The following SOX6 variants were observed in gnomAD, a reference collection of about 807,000 sequenced individuals.
SOX6 encodes SRY-box transcription factor 6, also known as transcription factor SOX-6.
Under a neutral mutation model 97.8 loss-of-function variants are expected in SOX6, and 11 were observed. The observed-to-expected ratio is 0.11, with a 90% CI of 0.07 to 0.19. The LOEUF is 0.19. Among genes scored for constraint, SOX6 ranks in the 10% least tolerant of loss-of-function variants. The pLI is 1.00. For synonymous variants in SOX6, 360 were observed against 371.4 expected (o/e 0.97, Z 0.35); for missense variants, 810 against 1,039.5 (o/e 0.78, Z 3.04).
intron 1 of SOX6, among the ~76,000 whole-genome samples, chr11:16,365,022 A>G (rs548814970): frequency 3.3e-5 from 5 of 152,302 alleles, no homozygotes; most frequent in South Asian, 2.1e-4. Context: ...AGAGTCAACC[A>G]AAGTCCAAAA....
chr11:16,257,536 T>C (rs1189273570), intron 3 of SOX6, among the ~76,000 whole-genome samples: 1 of 151,918 alleles, frequency 6.6e-6, no homozygotes, highest in East Asian at 1.9e-4. Context: ...ATATATCTTA[T>C]GCTCTTCACA....
At chr11:16,132,291 G>A (rs71483000) in intron 6 of SOX6, among the ~76,000 whole-genome samples, 1 of 93,654 alleles carries the variant, frequency 1.1e-5, no homozygotes, top group Admixed American at 1.3e-4. Flanking sequence ...AGGAAGGAAG[G>A]AAGGAAGGAA....
intron 3 of SOX6, among the ~76,000 whole-genome samples, chr11:16,304,846 G>A (rs909954368): frequency 3.3e-5 from 5 of 151,898 alleles, no homozygotes; most frequent in East Asian, 1.9e-4. Context: ...AGATGATGCC[G>A]CAGCAAATTA....
At chr11:16,323,565 C>G (rs1855986319) in intron 2 of SOX6, among the ~76,000 whole-genome samples, 1 of 152,032 alleles carries the variant, frequency 6.6e-6, no homozygotes, top group African/African-American at 2.4e-5. Context: ...TCTTCCTTAA[C>G]TTTGAACCCA....
intron 4 of SOX6, among the ~76,000 whole-genome samples, chr11:16,193,161 G>A (rs1237570399): frequency 6.6e-6 from 1 of 152,102 alleles, no homozygotes; most frequent in Non-Finnish European, 1.5e-5. Context: ...GAGAAAATGA[G>A]TACGAGAACA....
In SOX6 at chr11:16,105,454, G is replaced by C. The variant is rs558910282; in HGVS notation, c.898+6349C>G. On this transcript the variant is annotated intron_variant, in intron 7 of 15. Transcript: ENST00000683767. ...GTGGTGGCACGTGCCTATAGTCCCA[G>C]CTACTTGGGAGGCTGAGGTAGAAAG... 2.5e-3 allele frequency among the ~76,000 whole-genome samples: 384 copies of C among 152,176 alleles called. 1 individual carries two copies. The highest frequency in any genetic ancestry group is 8.9e-3 in the African/African-American group (369 of 41,536).
chr11:16,095,299 G>A (rs988934043), intron 9 of SOX6, among the ~76,000 whole-genome samples: 9 of 151,718 alleles, frequency 5.9e-5, no homozygotes, highest in Non-Finnish European at 8.8e-5. Context: ...GAGAAGGACT[G>A]GGTTCTTATA....
chr11:16,486,857 T>C (rs1860444212), intron 4 of SOX6, among the ~76,000 whole-genome samples: 2 of 151,804 alleles, frequency 1.3e-5, no homozygotes, highest in Non-Finnish European at 2.9e-5. Context: ...CAAAATTAAA[T>C]GTGCACATGT....
At chr11:16,650,956 T>C (rs1331090195) in intron 3 of SOX6, among the ~76,000 whole-genome samples, 2 of 151,646 alleles carry the variant, frequency 1.3e-5, no homozygotes, top group African/African-American at 4.8e-5. Context: ...ACAACCAATA[T>C]CAAAGAAATG....
intron 3 of SOX6, among the ~76,000 whole-genome samples, chr11:16,248,825 C>T (rs1326406715): frequency 1.3e-5 from 2 of 152,072 alleles, no homozygotes; most frequent in Non-Finnish European, 2.9e-5. Flanking sequence ...CAGCTGGGCA[C>T]GGTGGCTCAT....
chr11:16,023,649 C>CA (rs1317404837), intron 12 of SOX6, among the ~76,000 whole-genome samples: 4 of 152,036 alleles, frequency 2.6e-5, no homozygotes, highest in Non-Finnish European at 5.9e-5. Flanking sequence ...ACCATCTCCA[C>CA]AAAAAATATC....
At chr11:16,647,514 G>A (rs553256292) in intron 3 of SOX6, among the ~76,000 whole-genome samples, 6 of 152,288 alleles carry the variant, frequency 3.9e-5, no homozygotes, top group South Asian at 2.1e-4. Flanking sequence ...CAGGGCTAAC[G>A]TGCAGCTCCC....
intron 9 of SOX6, among the ~76,000 whole-genome samples, chr11:16,062,926 G>A (rs1481913587): frequency 6.6e-6 from 1 of 151,674 alleles, no homozygotes; most frequent in African/African-American, 2.4e-5. Context: ...CTAAGATCTA[G>A]CAAGTAGCTT....
At chr11:16,414,361 T>C (rs1858883080) in intron 1 of SOX6, among the ~76,000 whole-genome samples, 1 of 152,152 alleles carries the variant, frequency 6.6e-6, no homozygotes, top group South Asian at 2.1e-4. Context: ...ATGAAAATAG[T>C]AAAAGCTGGC....
At chr11:16,013,566 T>C (rs143724893) in intron 13 of SOX6, among the ~76,000 whole-genome samples, 29 of 152,120 alleles carry the variant, frequency 1.9e-4, no homozygotes, top group Non-Finnish European at 2.2e-4. Flanking sequence ...TTTTGAGTAA[T>C]CTTTATGCCT....
rs550503338 is a variant in SOX6 at position 15,995,530 on chromosome 11, A to C, written c.1733-6300T>G. ...TAATTAAAAAGTATGAGTTGTACAA[A>C]CAACCAGGAAAATGTGACTCAGAGA... On this transcript the variant is annotated intron_variant, in intron 13 of 15. Transcript: ENST00000683767. Among the ~76,000 whole-genome samples the C allele has an allele frequency of 5.3e-5, 8 of 152,314 alleles. No individual in the cohort carries two copies. In the South Asian group the frequency reaches 1.7e-3, roughly 32 times the overall value.
intron 4 of SOX6, among the ~76,000 whole-genome samples, chr11:16,559,587 C>T (rs1195979080): frequency 6.6e-6 from 1 of 152,118 alleles, no homozygotes; most frequent in Non-Finnish European, 1.5e-5. Context: ...ACACCATTTA[C>T]ACCTATACAA....
chr11:16,615,062 C>CT (rs1224408317), intron 3 of SOX6, among the ~76,000 whole-genome samples: 1 of 152,212 alleles, frequency 6.6e-6, no homozygotes, highest in Non-Finnish European at 1.5e-5. Flanking sequence ...ACCCCACTCC[C>CT]TGTTTCATGC....
chr11:16,043,864 C>T (rs1431817611), intron 12 of SOX6, among the ~76,000 whole-genome samples: 1 of 152,048 alleles, frequency 6.6e-6, no homozygotes, highest in Non-Finnish European at 1.5e-5. Context: ...AGGTCATGTC[C>T]TCTTCCCATG....
Sources: gnomAD v4.1 joint callset for allele counts (sites outside exome capture counted in the v4.1 genomes callset) on GRCh38, gnomAD v4.1.1 for gene constraint, MANE v1.5 for transcripts, NCBI Gene and HGNC (gene_info 2026-07-23, HGNC 2026-07-21) for gene names.